Variants in N4BP2 observed in about 807,000 individuals in gnomAD.
N4BP2 encodes the protein NEDD4-binding protein 2.
A neutral mutation model predicts 152.8 loss-of-function variants in N4BP2; 91 were observed. That is an observed-to-expected ratio of 0.60 (90% CI 0.50 to 0.71). N4BP2 has a LOEUF of 0.71. Ranked by LOEUF, N4BP2 falls within the 30% of genes least tolerant of loss-of-function variation. The pLI, the probability that N4BP2 is intolerant of heterozygous loss-of-function variation, is 0.00. For missense variants in N4BP2, 1,923 were observed against 2,059.1 expected (o/e 0.93, Z 1.28); for synonymous variants, 646 against 705.3 (o/e 0.92, Z 1.33).
chr4:40,182,448 TTTTA>T, the N4BP2 span, among the ~76,000 whole-genome samples: 2 of 152,078 alleles, frequency 1.3e-5, no homozygotes, highest in Non-Finnish European at 2.9e-5. Context: ...TCTGAGTTCA[TTTTA>T]TTTATTTATT....
intron 12 of N4BP2, among the ~76,000 whole-genome samples, chr4:40,127,723 C>G (rs974916956): frequency 6.6e-6 from 1 of 151,898 alleles, no homozygotes; most frequent in Non-Finnish European, 1.5e-5. Context: ...TGCAGTGGTG[C>G]GATCTTGGCT....
At chr4:40,092,040 A>G (rs1469311813) in intron 2 of N4BP2, among the ~76,000 whole-genome samples, 1 of 122,216 alleles carries the variant, frequency 8.2e-6, no homozygotes, top group Non-Finnish European at 1.7e-5. Flanking sequence ...ATATATATAT[A>G]TATATAGCTG....
the N4BP2 span, among the ~76,000 whole-genome samples, chr4:40,184,822 G>C: frequency 6.6e-6 from 1 of 152,080 alleles, no homozygotes; most frequent in Admixed American, 6.6e-5. Context: ...TGGGCGTGGT[G>C]GCACACATTT....
the N4BP2 span, among the ~76,000 whole-genome samples, chr4:40,184,838 C>T: frequency 6.6e-6 from 1 of 152,056 alleles, no homozygotes; most frequent in Admixed American, 6.6e-5. Context: ...CATTTGTAAT[C>T]CCAGCTGCTC....
the N4BP2 span, among the ~76,000 whole-genome samples, chr4:40,187,064 T>G: frequency 6.6e-6 from 1 of 152,244 alleles, no homozygotes; most frequent in Non-Finnish European, 1.5e-5. Context: ...CATTTATCAT[T>G]TATCTTAAGC....
At chr4:40,163,244 A>G (rs913666106), downstream of N4BP2, among the ~76,000 whole-genome samples, 6 of 152,210 alleles carry the variant, frequency 3.9e-5, no homozygotes, top group African/African-American at 9.7e-5. Flanking sequence ...GTACTTTGCA[A>G]ATGTACCTAG....
intron 1 of N4BP2, among the ~76,000 whole-genome samples, chr4:40,057,366 G>A (rs537768407): frequency 1.2e-3 from 183 of 152,214 alleles, no homozygotes; most frequent in Non-Finnish European, 1.1e-3. Flanking sequence ...TCGACCCCCC[G>A]AGGTTTCCTC....
chr4:40,164,717 C>T, the N4BP2 span, among the ~76,000 whole-genome samples: 3 of 152,132 alleles, frequency 2.0e-5, no homozygotes, highest in African/African-American at 7.2e-5. Flanking sequence ...TTTCCTAGGT[C>T]TTTCTGAAAC....
Position 40,107,019 on chromosome 4 carries a change from A to G in N4BP2, c.1493A>G (p.Asn498Ser). 2 of 1,613,128 alleles carry G rather than the reference A, an allele frequency of 1.2e-6. No homozygotes were observed. Among genetic ancestry groups the G allele is most frequent in the Non-Finnish European group, 1.7e-6 (2 of 1,179,590 alleles). Residue 498 changes from asparagine (N) to serine (S), a missense_variant, in exon 5 of 18, where the codon AAT (asparagine) becomes AGT (serine). Asn to Ser is a conservative substitution (Grantham distance 46). Transcript: ENST00000261435. ...GGAGAAGCACATGAATGGAACCAGA[A>G]TCGTGGTAAGAACAGATAATCAGAT... ...YLGEAHEWNQNRAKEAFEKKI... is the reference protein window; with the variant it reads ...YLGEAHEWNQSRAKEAFEKKI...
At chr4:40,078,665 A>G (rs1713033626) in intron 2 of N4BP2, among the ~76,000 whole-genome samples, 1 of 151,878 alleles carries the variant, frequency 6.6e-6, no homozygotes, top group Non-Finnish European at 1.5e-5. Context: ...AGCTGGGACT[A>G]CAGGTGTGCA....
chr4:40,149,427 AG>A (rs1720930033), intron 16 of N4BP2, among the ~76,000 whole-genome samples: 1 of 152,250 alleles, frequency 6.6e-6, no homozygotes, highest in Admixed American at 6.5e-5. Context: ...TGGAATGGCA[AG>A]AATATGAGCA....
chr4:40,140,136 C>T (rs1464243419), intron 14 of N4BP2, among the ~76,000 whole-genome samples: 2 of 152,116 alleles, frequency 1.3e-5, no homozygotes, highest in African/African-American at 4.8e-5. Flanking sequence ...TATCATCCTG[C>T]AATCCTTATT....
downstream of N4BP2, among the ~76,000 whole-genome samples, chr4:40,161,062 C>T (rs953786462): frequency 3.3e-5 from 5 of 152,200 alleles, no homozygotes; most frequent in Non-Finnish European, 5.9e-5. Context: ...CTCAATCAAT[C>T]AATCCTGACA....
At chr4:40,091,818 A>T (rs1384788866) in intron 2 of N4BP2, among the ~76,000 whole-genome samples, 3 of 147,776 alleles carry the variant, frequency 2.0e-5, no homozygotes, top group Admixed American at 6.8e-5. Context: ...TGTGTTGCCC[A>T]GGCTGGTCCT....
At chr4:40,063,849 T>G (rs1468221170) in intron 1 of N4BP2, among the ~76,000 whole-genome samples, 1 of 152,060 alleles carries the variant, frequency 6.6e-6, no homozygotes, top group Non-Finnish European at 1.5e-5. Flanking sequence ...TTCACCATGT[T>G]GGCCAGGTTG....
At chr4:40,101,082 C>A (rs1441528505) in intron 3 of N4BP2, among the ~76,000 whole-genome samples, 1 of 152,172 alleles carries the variant, frequency 6.6e-6, no homozygotes, top group East Asian at 1.9e-4. Context: ...TCACATATCA[C>A]CTTATGTGAG....
intron 2 of N4BP2, among the ~76,000 whole-genome samples, chr4:40,080,662 T>C (rs1713268402): frequency 6.8e-6 from 1 of 146,752 alleles, no homozygotes; most frequent in Non-Finnish European, 1.5e-5. Context: ...ATCAGAATTT[T>C]CTTATTTATT....
intron 1 of N4BP2, among the ~76,000 whole-genome samples, chr4:40,070,385 C>T (rs1352570525): frequency 6.6e-6 from 1 of 152,142 alleles, no homozygotes; most frequent in Non-Finnish European, 1.5e-5. Flanking sequence ...GACATTCTCC[C>T]TATATAGCCA....
At position 40,131,850 on chromosome 4, in the gene N4BP2, A is replaced by G. The variant is rs1370481035; in HGVS notation, c.4577A>G (p.Glu1526Gly). Residue 1526 changes from glutamate (E) to glycine (G), a missense_variant, in exon 13 of 18, where the codon GAG (glutamate) becomes GGG (glycine). Coordinates refer to ENST00000261435, the MANE Select transcript of N4BP2 (RefSeq NM_018177.6). ...AAAGATTGTGCCACTAAACTAAAGG[A>G]GAAGCAGCTCTTTAAGATATTTCCA... The part of the protein sequence containing the change: ...FEKDCATKLK[E>G]KQLFKIFPAI... 3.7e-6 allele frequency: 6 copies of G among 1,613,588 alleles called. No homozygotes were observed. Among genetic ancestry groups the G allele is most frequent in the Non-Finnish European group, 5.1e-6 (6 of 1,179,780 alleles).
Sources: allele counts gnomAD v4.1 joint callset (sites outside exome capture counted in the v4.1 genomes callset), GRCh38; gene constraint gnomAD v4.1.1; transcripts MANE v1.5; gene names NCBI Gene and HGNC (gene_info 2026-07-23, HGNC 2026-07-21).